The following BASP1 variants were observed in gnomAD, a reference collection of about 807,000 sequenced individuals.
The protein encoded by BASP1 is brain abundant membrane attached signal protein 1.
A neutral mutation model predicts 2.2 loss-of-function variants in BASP1; 1 was observed. That is an observed-to-expected ratio of 0.46 (90% CI 0.16 to 2.17). The LOEUF (loss-of-function observed/expected upper bound fraction) is 2.17, where lower values mean the gene tolerates loss of function less well. Among genes scored for constraint, BASP1 ranks in the 30% most tolerant of loss-of-function variants. The pLI is 0.27. For missense variants in BASP1, 352 were observed against 327.2 expected (o/e 1.08, Z -0.58); for synonymous variants, 187 against 154.2 (o/e 1.21, Z -1.58).
intron 1 of BASP1, among the ~76,000 whole-genome samples, chr5:17,239,775 T>G (rs893683633): frequency 8.5e-5 from 13 of 152,220 alleles, no homozygotes; most frequent in Non-Finnish European, 2.9e-5. Flanking sequence ...AGAACTCTTT[T>G]AGTCCAGATT....
At chr5:17,237,072 A>G (rs933541329) in intron 1 of BASP1, among the ~76,000 whole-genome samples, 6 of 152,062 alleles carry the variant, frequency 3.9e-5, no homozygotes, top group Admixed American at 6.6e-5. Flanking sequence ...GTGGCTGGGC[A>G]TGGTGGCTCA....
rs2126525707 is a variant in BASP1 at position 17,276,743 on chromosome 5, A to AC, written c.*843_*844insC. On this transcript the variant is annotated 3_prime_UTR_variant, in exon 2 of 2. Transcript: ENST00000322611. ...TTGGAAAATGGAAAAAAAAAACAAA[A>AC]AAAAAACAAAAAAATGTACAATGGA... is the stretch of plus-strand genomic sequence containing the variant. 6.0e-6 allele frequency: 1 copy of AC among 166,464 alleles called. No homozygotes were observed. The allele number at this position is 166,464 out of a possible 1,614,324, so 10.3% of individuals were successfully genotyped here.
intron 1 of BASP1, among the ~76,000 whole-genome samples, chr5:17,229,949 A>ATT (rs369478212): frequency 6.6e-6 from 1 of 151,874 alleles, no homozygotes; most frequent in Admixed American, 6.6e-5. Flanking sequence ...CGCCCAGCTA[A>ATT]TTTTTTTGTA....
chr5:17,217,799 C>T lies in BASP1; in HGVS notation c.-21C>T, dbSNP rs1175720393. On this transcript the variant is annotated 5_prime_UTR_variant, in exon 1 of 2. Coordinates refer to ENST00000322611, the MANE Select transcript of BASP1 (RefSeq NM_006317.5). ...CGCGCTAACTCAGGGGCTGCATAGG[C>T]ACCCAGAGCCGGTAAGGAGGCGCGC... is the stretch of plus-strand genomic sequence containing the variant. 1.3e-5 allele frequency: 2 copies of T among 152,020 alleles called. No homozygotes were observed. Among genetic ancestry groups the T allele is most frequent in the Non-Finnish European group, 2.9e-5 (2 of 67,954 alleles). The allele number at this position is 152,020 out of a possible 1,614,324, so 9.4% of individuals were successfully genotyped here.
At chr5:17,257,060 A>G (rs1006225423) in intron 1 of BASP1, among the ~76,000 whole-genome samples, 1 of 152,206 alleles carries the variant, frequency 6.6e-6, no homozygotes, top group Non-Finnish European at 1.5e-5. Flanking sequence ...GTTGCTTTAA[A>G]TAGAGTCTCT....
In BASP1 at chr5:17,272,093, GAAAA is replaced by G. The variant is rs1451299077; in HGVS notation, c.-9-3114_-9-3111del. On this transcript the variant is annotated intron_variant, in intron 1 of 1. Coordinates refer to ENST00000322611, the MANE Select transcript of BASP1 (RefSeq NM_006317.5). ...CAAGAAAAAAAAAAAAAAAAAGAAA[GAAAA>G]GAAAAAGAATGAAATCATTAAACTG... Among the ~76,000 whole-genome samples, 346 of 148,608 alleles carry G rather than the reference GAAAA, an allele frequency of 2.3e-3. 2 individuals carry two copies. The highest frequency in any genetic ancestry group is 8.2e-3 in the African/African-American group (334 of 40,574).
chr5:17,274,869 TAA>T (rs1413385277), intron 1 of BASP1, among the ~76,000 whole-genome samples: 2 of 152,182 alleles, frequency 1.3e-5, no homozygotes, highest in African/African-American at 4.8e-5. Flanking sequence ...TGTAATATAA[TAA>T]TTTAACTGAT....
At chr5:17,225,894 T>A (rs571344537) in intron 1 of BASP1, among the ~76,000 whole-genome samples, 1 of 152,368 alleles carries the variant, frequency 6.6e-6, no homozygotes, top group East Asian at 1.9e-4. Context: ...ATCTGTTAGA[T>A]TCTGAAGTAG....
chr5:17,269,516 C>T (rs1579503365), intron 1 of BASP1, among the ~76,000 whole-genome samples: 2 of 152,198 alleles, frequency 1.3e-5, no homozygotes, highest in African/African-American at 2.4e-5. Flanking sequence ...GATCAACTCA[C>T]AGTGCTCGAA....
rs1340415167 is a variant in BASP1, at chr5:17,275,718, C to T, written c.502C>T (p.Pro168Ser). The change falls in exon 2 of 2, where the codon CCA becomes TCA. Residue 168 changes from proline to serine, a missense_variant. Physicochemically the swap from Pro to Ser is moderately conservative, Grantham distance 74. Transcript: ENST00000322611. This position sits in a 1 kb window ranked among gnomAD's most constrained non-coding sequence, Gnocchi z 5.3. ...AAQETKSDGA[P>S]ASDSKPGSSE... ...CCAGGAGACCAAAAGTGACGGGGCC[C>T]CAGCTTCAGACTCAAAACCCGGCAG... The T allele has an allele frequency of 6.2e-7, 1 of 1,609,392 alleles. No individual in the cohort carries two copies. Among genetic ancestry groups the T allele is most frequent in the East Asian group, 2.2e-5 (1 of 44,710 alleles).
chr5:17,257,395 G>C (rs996778686), intron 1 of BASP1, among the ~76,000 whole-genome samples: 6 of 152,078 alleles, frequency 3.9e-5, no homozygotes, highest in Non-Finnish European at 4.4e-5. Flanking sequence ...ACAGTAATTG[G>C]TCCCACCGAT....
At chr5:17,235,380 C>T (rs1739720506) in intron 1 of BASP1, among the ~76,000 whole-genome samples, 2 of 151,912 alleles carry the variant, frequency 1.3e-5, no homozygotes, top group South Asian at 2.1e-4. Context: ...CCTGCCTCAG[C>T]CTCCCGAGTA....
chr5:17,275,283 G>A lies in BASP1; in HGVS notation c.67G>A (p.Asp23Asn). The change falls in exon 2 of 2, where the codon GAC (aspartate) becomes AAC (asparagine). Residue 23 changes from aspartate (D) to asparagine (N), a missense_variant. Physicochemically the swap from Asp to Asn is conservative, Grantham distance 23. Coordinates refer to ENST00000322611, the MANE Select transcript of BASP1 (RefSeq NM_006317.5). The surrounding 1 kb of genome is among the most constrained non-coding windows in gnomAD (Gnocchi z 5.3). Reference sequence around the variant, plus strand: ...GAACGACGAGAAAGCCAAGGAGAAAGACAAGAAGGCCGAGGGCGCGGCGAC... The same window carrying A: ...GAACGACGAGAAAGCCAAGGAGAAAAACAAGAAGGCCGAGGGCGCGGCGAC... ...NVNDEKAKEK[D>N]KKAEGAATEE... 2 of 1,614,004 alleles carry A rather than the reference G, an allele frequency of 1.2e-6. No homozygotes were observed. Among genetic ancestry groups the A allele is most frequent in the Non-Finnish European group, 1.7e-6 (2 of 1,180,008 alleles).
At chr5:17,264,807 CT>C (rs1278645849) in intron 1 of BASP1, among the ~76,000 whole-genome samples, 1 of 152,174 alleles carries the variant, frequency 6.6e-6, no homozygotes, top group Non-Finnish European at 1.5e-5. Flanking sequence ...CTTTATTCTG[CT>C]GGTTCTAGAT....
At chr5:17,258,229 G>A (rs556887730) in intron 1 of BASP1, among the ~76,000 whole-genome samples, 230 of 152,260 alleles carry the variant, frequency 1.5e-3, no homozygotes, top group African/African-American at 5.3e-3. Flanking sequence ...CTCACTTCTC[G>A]GTTAGACCTG....
intron 1 of BASP1, among the ~76,000 whole-genome samples, chr5:17,243,300 C>T (rs933520151): frequency 3.9e-5 from 6 of 152,040 alleles, no homozygotes; most frequent in Non-Finnish European, 2.9e-5. Context: ...GGGCGTGGTG[C>T]GTACCACCAC....
chr5:17,262,287 A>G (rs558743981), intron 1 of BASP1, among the ~76,000 whole-genome samples: 1 of 152,240 alleles, frequency 6.6e-6, no homozygotes, highest in African/African-American at 2.4e-5. Flanking sequence ...TTTGACATAA[A>G]CACTTTGCAT....
intron 1 of BASP1, among the ~76,000 whole-genome samples, chr5:17,249,145 G>A (rs1211166582): frequency 2.0e-5 from 3 of 152,040 alleles, no homozygotes; most frequent in African/African-American, 7.2e-5. Context: ...GCCCTTGTGA[G>A]CTCAGACCCC....
chr5:17,269,427 T>C (rs1457267792), intron 1 of BASP1, among the ~76,000 whole-genome samples: 1 of 152,180 alleles, frequency 6.6e-6, no homozygotes, highest in Non-Finnish European at 1.5e-5. Flanking sequence ...GCTGGTGTGA[T>C]GAATAATCAC....
Sources: gnomAD v4.1 joint callset for allele counts (sites outside exome capture counted in the v4.1 genomes callset) on GRCh38, gnomAD v4.1.1 for gene constraint, Gnocchi (gnomAD v3.1) non-coding constraint, MANE v1.5 for transcripts, NCBI Gene and HGNC (gene_info 2026-07-23, HGNC 2026-07-21) for gene names.